The following NECTIN2 variants were observed in gnomAD, a reference collection of about 807,000 sequenced individuals.
NECTIN2 encodes the protein nectin cell adhesion molecule 2.
NECTIN2 carries 23 observed loss-of-function variants against 56.9 expected under a neutral mutation model. That is an observed-to-expected ratio of 0.40 (90% CI 0.29 to 0.57). NECTIN2 has a LOEUF of 0.57. NECTIN2 is among the 20% of genes least tolerant of loss of function. The pLI is 0.38. For missense variants in NECTIN2, 587 were observed against 718.3 expected (o/e 0.82, Z 2.09); for synonymous variants, 302 against 313.8 (o/e 0.96, Z 0.40).
At chr19:44,868,351 CAAAAAAA>C (rs569384558) in intron 2 of NECTIN2, among the ~76,000 whole-genome samples, 1 of 80,792 alleles carries the variant, frequency 1.2e-5, no homozygotes, top group Non-Finnish European at 2.6e-5. Flanking sequence ...GACCCTGTCT[CAAAAAAA>C]AAAAAAAAAA....
chr19:44,859,562 G>A lies in NECTIN2; in HGVS notation c.89-5709G>A, dbSNP rs796369732. 1.5e-3 allele frequency among the ~76,000 whole-genome samples: 222 copies of A among 152,282 alleles called. 1 individual carries two copies. Among genetic ancestry groups the A allele is most frequent in the African/African-American group, 5.0e-3 (207 of 41,552 alleles). ...ACATGGGCCACACGCCGTGGCTCAC[G>A]CCTGTAATCCCAGCACTTTGGGAGG... On this transcript the variant is annotated intron_variant, in intron 1 of 8. Coordinates refer to ENST00000252483, the MANE Select transcript of NECTIN2 (RefSeq NM_001042724.2).
In NECTIN2 at chr19:44,846,335, A is replaced by T; in HGVS notation, c.-191A>T. ...GTTCGAACCGCCGGAGCTGAGCGAGAGGCCGGGGGTGCCGAGCCGGGCGGG... is the reference window on the plus strand; with the variant it reads ...GTTCGAACCGCCGGAGCTGAGCGAGTGGCCGGGGGTGCCGAGCCGGGCGGG... On this transcript the variant is annotated 5_prime_UTR_variant, in exon 1 of 9. Coordinates refer to ENST00000252483, the MANE Select transcript of NECTIN2 (RefSeq NM_001042724.2). The T allele has an allele frequency of 1.7e-6, 1 of 599,332 alleles. No homozygotes were observed. 37.1% of individuals were successfully genotyped at this position (599,332 alleles called of 1,614,324 possible).
In NECTIN2 at chr19:44,888,301, T is replaced by C. The variant is rs369050237; in HGVS notation, c.1539T>C (p.Tyr513=). 2.1e-5 allele frequency: 34 copies of C among 1,613,886 alleles called. No individual in the cohort carries two copies. The highest frequency in any genetic ancestry group is 1.1e-4 in the African/African-American group (8 of 74,890). ...ATCTGGACAAGATCAACCCCATCTA[T>C]GATGCTCTGTCCTATAGCAGCCCCT... The part of the protein sequence containing the change: ...EEYLDKINPI[Y]DALSYSSPSD... Residue 513 remains tyrosine, a synonymous_variant, in exon 9 of 9, where the codon TAT becomes TAC. Coordinates refer to ENST00000252483, the MANE Select transcript of NECTIN2 (RefSeq NM_001042724.2).
At chr19:44,880,110 G>C (rs1028446789) in intron 5 of NECTIN2, among the ~76,000 whole-genome samples, 2 of 152,214 alleles carry the variant, frequency 1.3e-5, no homozygotes, top group Non-Finnish European at 2.9e-5. Flanking sequence ...GAGTGAGGCC[G>C]ATGCATGCGT....
In NECTIN2 at chr19:44,846,560, C is replaced by T. The variant is rs1257557221; in HGVS notation, c.35C>T (p.Ser12Leu). The change falls in exon 1 of 9, where the codon TCG (serine) becomes TTG (leucine). Residue 12 changes from serine to leucine, a missense_variant. Physicochemically the swap from Ser to Leu is moderately radical, Grantham distance 145. Coordinates refer to ENST00000252483, the MANE Select transcript of NECTIN2 (RefSeq NM_001042724.2). ...GCCGCTGCCCTCCTGCCGTCGAGAT[C>T]GCCGCCGACGCCGCTGCTGTGGCCG... ...ARAAALLPSR[S>L]PPTPLLWPLL... The T allele has an allele frequency of 1.3e-5, 20 of 1,523,818 alleles. No homozygotes were observed. The African/African-American group carries it at 2.2e-4, about 17-fold the overall frequency. The allele number at this position is 1,523,818 out of a possible 1,614,324, so 94.4% of individuals were successfully genotyped here.
At chr19:44,882,016 C>T in intron 5 of NECTIN2, 195 bp from the exon 6 acceptor site, 1 of 421,456 alleles carries the variant, frequency 2.4e-6, no homozygotes. Flanking sequence ...TTTTGTTCTC[C>T]ACTCATCTCC....
chr19:44,878,389 C>A, intron 5 of NECTIN2: 3 of 1,556,686 alleles, frequency 1.9e-6, no homozygotes, highest in Non-Finnish European at 1.7e-6. Context: ...GAGCCAGTGG[C>A]GACGGGGGAT....
At chr19:44,884,925 ACTC>A (rs1969343087) in intron 6 of NECTIN2, among the ~76,000 whole-genome samples, 1 of 151,430 alleles carries the variant, frequency 6.6e-6, no homozygotes, top group South Asian at 2.1e-4. Flanking sequence ...TATTTACTGA[ACTC>A]CTCATAGTGG....
intron 5 of NECTIN2, among the ~76,000 whole-genome samples, chr19:44,879,322 C>T (rs1369002648): frequency 6.6e-6 from 1 of 152,076 alleles, no homozygotes; most frequent in Non-Finnish European, 1.5e-5. Context: ...ACAGCAGGGG[C>T]TCAGCCAGGT....
intron 5 of NECTIN2, among the ~76,000 whole-genome samples, chr19:44,880,042 C>A (rs879555859): frequency 6.6e-6 from 1 of 152,222 alleles, no homozygotes; most frequent in African/African-American, 2.4e-5. Flanking sequence ...GGCTGTGGAA[C>A]GGGAGCAGTG....
At chr19:44,881,095 A>T (rs1036646173) in intron 5 of NECTIN2, among the ~76,000 whole-genome samples, 11 of 150,888 alleles carry the variant, frequency 7.3e-5, no homozygotes, top group Non-Finnish European at 1.6e-4. Context: ...AATTTTTAAA[A>T]TTTTTTCTAG....
rs563565993 is a variant in NECTIN2, at chr19:44,875,663, G to T, written c.1042+1185G>T. On this transcript the variant is annotated intron_variant, in intron 5 of 8. Coordinates refer to ENST00000252483, the MANE Select transcript of NECTIN2 (RefSeq NM_001042724.2). This position sits in a 1 kb window ranked among gnomAD's most constrained non-coding sequence, Gnocchi z 4.2. ...AGGCCCCCCAGAAACATGACTGAAG[G>T]TGTAGGGACAAACTCCCAGACAGGG... Among the ~76,000 whole-genome samples, 1 of 152,342 alleles carries T rather than the reference G, an allele frequency of 6.6e-6. No individual in the cohort carries two copies. Among genetic ancestry groups the T allele is most frequent in the Non-Finnish European group, 1.5e-5 (1 of 68,036 alleles).
At chr19:44,883,212 A>G (rs1246892268) in intron 6 of NECTIN2, among the ~76,000 whole-genome samples, 1 of 152,142 alleles carries the variant, frequency 6.6e-6, no homozygotes, top group African/African-American at 2.4e-5. Context: ...GATAAAGAGT[A>G]ACACTGGTCA....
intron 6 of NECTIN2, among the ~76,000 whole-genome samples, chr19:44,884,596 A>C (rs1366124147): frequency 6.6e-6 from 1 of 152,200 alleles, no homozygotes; most frequent in East Asian, 1.9e-4. Flanking sequence ...GCTGTGACCC[A>C]CTGTGTCCGA....
intron 6 of NECTIN2, among the ~76,000 whole-genome samples, chr19:44,882,879 TA>T (rs1969323903): frequency 6.6e-6 from 1 of 151,244 alleles, no homozygotes; most frequent in Non-Finnish European, 1.5e-5. Flanking sequence ...CCTCCCAGGT[TA>T]AAGCAATTCT....
chr19:44,861,324 A>G (rs1255354063), intron 1 of NECTIN2, among the ~76,000 whole-genome samples: 1 of 152,234 alleles, frequency 6.6e-6, no homozygotes, highest in Non-Finnish European at 1.5e-5. Flanking sequence ...ACATCATTAT[A>G]TCAAAAAGAC....
chr19:44,864,272 GCCCACTGCA>G (rs1969069931), intron 1 of NECTIN2, among the ~76,000 whole-genome samples: 1 of 152,000 alleles, frequency 6.6e-6, no homozygotes, highest in Non-Finnish European at 1.5e-5. Context: ...GAGCTGGGTG[GCCCACTGCA>G]CTCTAGCCTG....
chr19:44,882,212 G>T lies in NECTIN2; in HGVS notation c.1044G>T (p.Glu348Asp). 1 of 1,461,402 alleles carries T rather than the reference G, an allele frequency of 6.8e-7. No individual in the cohort carries two copies. Among genetic ancestry groups the T allele is most frequent in the Non-Finnish European group, 9.1e-7 (1 of 1,097,668 alleles). 90.5% of individuals were successfully genotyped at this position (1,461,402 alleles called of 1,614,324 possible). A position where few individuals can be genotyped will look rare whatever the true frequency, so the allele number is the denominator to read the frequency against. ...GRAEQVIFVR[E>D]TPNTAGAGAT... ...CTCACGCTGTCCCTCTCCTTGCAGAGACCCCCAACACAGCAGGCGCAGGGG... is the reference window on the plus strand; with the variant it reads ...CTCACGCTGTCCCTCTCCTTGCAGATACCCCCAACACAGCAGGCGCAGGGG... The change falls in exon 6 of 9, where the codon GAG (glutamate) becomes GAT (aspartate). Residue 348 changes from glutamate to aspartate, a missense_variant and splice_region_variant. By Grantham distance (45) the Glu-to-Asp change is conservative. Coordinates refer to ENST00000252483, the MANE Select transcript of NECTIN2 (RefSeq NM_001042724.2).
chr19:44,859,439 A>G (rs961666542), intron 1 of NECTIN2, among the ~76,000 whole-genome samples: 2 of 152,172 alleles, frequency 1.3e-5, no homozygotes, highest in African/African-American at 4.8e-5. Flanking sequence ...GCCAGGATTC[A>G]AACCCATGAA....
Sources: allele counts gnomAD v4.1 joint callset (sites outside exome capture counted in the v4.1 genomes callset), GRCh38; gene constraint gnomAD v4.1.1; non-coding constraint Gnocchi (gnomAD v3.1); transcripts MANE v1.5; gene names NCBI Gene and HGNC (gene_info 2026-07-23, HGNC 2026-07-21).